CDH23: variants seen among roughly 807,000 people sequenced by gnomAD.
The protein encoded by CDH23 is cadherin-23.
In CDH23, 189 loss-of-function variants were observed where a neutral mutation model predicts 317.1. The observed-to-expected ratio is 0.60, with a 90% CI of 0.53 to 0.67. CDH23 has a LOEUF of 0.67. Ranked by LOEUF, CDH23 falls within the 30% of genes least tolerant of loss-of-function variation. CDH23 has a pLI of 0.00. For missense variants in CDH23, 4,401 were observed against 4,592.4 expected (o/e 0.96, Z 1.20); for synonymous variants, 1,839 against 1,876.8 (o/e 0.98, Z 0.52).
chr10:71,558,233 C>A (rs1312825761), intron 6 of CDH23, among the ~76,000 whole-genome samples: 2 of 152,142 alleles, frequency 1.3e-5, no homozygotes, highest in African/African-American at 2.4e-5. Context: ...CTCCTGACCT[C>A]AGGTGATTCA....
intron 3 of CDH23, among the ~76,000 whole-genome samples, chr10:71,497,639 G>A (rs1206799162): frequency 6.6e-6 from 1 of 152,232 alleles, no homozygotes. Context: ...CTCCGCTGCG[G>A]AGCGCCTTCC....
chr10:71,582,873 C>T (rs1032063532), intron 9 of CDH23, among the ~76,000 whole-genome samples: 6 of 152,190 alleles, frequency 3.9e-5, no homozygotes, highest in Non-Finnish European at 7.3e-5. Flanking sequence ...ACCTATGCAG[C>T]GGCAGCTTTA....
intron 38 of CDH23, among the ~76,000 whole-genome samples, chr10:71,773,771 G>C (rs1470600067): frequency 1.3e-5 from 2 of 152,158 alleles, no homozygotes; most frequent in African/African-American, 2.4e-5. Flanking sequence ...TATTATTGCT[G>C]CGCAGCCTAA....
chr10:71,796,128 C>G, intron 48 of CDH23: 1 of 974,994 alleles, frequency 1.0e-6, no homozygotes, highest in South Asian at 4.8e-5. Context: ...AGAAGCCCAG[C>G]AGGGGGATCT....
chr10:71,476,541 T>C (rs1267361306), intron 3 of CDH23, among the ~76,000 whole-genome samples: 1 of 152,132 alleles, frequency 6.6e-6, no homozygotes, highest in African/African-American at 2.4e-5. Context: ...ACACTTCAAG[T>C]ACAAATGGAA....
intron 19 of CDH23, among the ~76,000 whole-genome samples, chr10:71,689,023 G>A (rs369279716): frequency 0.037 from 307 of 8,408 alleles, 6 homozygotes; most frequent in Non-Finnish European, 0.04. Flanking sequence ...GGAGTCAGGG[G>A]TGGTGGAGTC....
chr10:71,790,176 C>A, intron 45 of CDH23, 112 bp from the exon 46 acceptor site: 1 of 1,438,878 alleles, frequency 6.9e-7, no homozygotes, highest in Non-Finnish European at 9.3e-7. Context: ...GTCCACCTCA[C>A]CTCCCTCCCC....
chr10:71,539,644 A>G (rs1028809206), intron 6 of CDH23, among the ~76,000 whole-genome samples: 1 of 151,842 alleles, frequency 6.6e-6, no homozygotes, highest in Admixed American at 6.6e-5. Context: ...TTGGAGAACT[A>G]TGCATATTCA....
Position 71,397,701 on chromosome 10 carries a change from T to A in CDH23, c.-6+383T>A, listed in dbSNP as rs1393436513. On this transcript the variant is annotated intron_variant, in intron 1 of 69. Coordinates refer to ENST00000224721, the MANE Select transcript of CDH23 (RefSeq NM_022124.6). The surrounding 1 kb of genome is among the most constrained non-coding windows in gnomAD (Gnocchi z 4.8). ...GAGAGATTTTCGAGAGTGGAGCGCG[T>A]TGGGATCCAATCCCCTCCCCTTCTG... Among the ~76,000 whole-genome samples the A allele has an allele frequency of 6.6e-6, 1 of 151,876 alleles. No individual in the cohort carries two copies. Among genetic ancestry groups the A allele is most frequent in the African/African-American group, 2.4e-5 (1 of 41,362 alleles).
chr10:71,603,307 G>A (rs1860339191), intron 9 of CDH23, among the ~76,000 whole-genome samples: 1 of 152,116 alleles, frequency 6.6e-6, no homozygotes, highest in Non-Finnish European at 1.5e-5. Flanking sequence ...CCTTCCCTGG[G>A]ACAAGGCCTT....
chr10:71,512,725 T>C (rs1055553750), intron 6 of CDH23, among the ~76,000 whole-genome samples: 2 of 152,202 alleles, frequency 1.3e-5, no homozygotes, highest in Non-Finnish European at 2.9e-5. Flanking sequence ...CTTCAGGAGA[T>C]GTGACTTCCA....
Position 71,513,655 on chromosome 10 carries a change from G to T in CDH23, c.429+2443G>T, listed in dbSNP as rs193276310. Among the ~76,000 whole-genome samples the T allele has an allele frequency of 6.2e-3, 944 of 152,278 alleles. 8 individuals carry two copies. Among genetic ancestry groups the T allele is most frequent in the South Asian group, 0.023 (112 of 4,830 alleles). On this transcript the variant is annotated intron_variant, in intron 6 of 69. Coordinates refer to ENST00000224721, the MANE Select transcript of CDH23 (RefSeq NM_022124.6). The stretch of plus-strand genomic sequence containing the variant: ...GCAGAGTCTGGCTGAGGTAAGCAGT[G>T]GTTGCTCTTGTGCTGTTTCGTGGGA...
Position 71,725,376 on chromosome 10 carries a change from C to A in CDH23, c.3435C>A (p.Asn1145Lys), listed in dbSNP as rs766367146. 1 of 1,614,022 alleles carries A rather than the reference C, an allele frequency of 6.2e-7. No homozygotes were observed. ...GGGGTCTGTCCCTCCACACAGGTAA[C>A]CATGGCAACAACTTCCGGATCCATG... is the stretch of plus-strand genomic sequence containing the variant. ...GRVWYRILHG[N>K]HGNNFRIHVS... Residue 1145 changes from asparagine (N) to lysine (K), a missense_variant, in exon 30 of 70, where the codon AAC becomes AAA. By Grantham distance (94) the Asn-to-Lys change is moderately conservative. Coordinates refer to ENST00000224721, the MANE Select transcript of CDH23 (RefSeq NM_022124.6).
chr10:71,478,352 A>G (rs1424920363), intron 3 of CDH23, among the ~76,000 whole-genome samples: 1 of 152,012 alleles, frequency 6.6e-6, no homozygotes, highest in Non-Finnish European at 1.5e-5. Context: ...GCAACCTTAC[A>G]CCTCAGGGCC....
At position 71,707,007 on chromosome 10, in the gene CDH23, A is replaced by G; in HGVS notation, c.3064A>G (p.Asn1022Asp). 1 of 1,607,810 alleles carries G rather than the reference A, an allele frequency of 6.2e-7. No homozygotes were observed. Among genetic ancestry groups the G allele is most frequent in the Non-Finnish European group, 8.5e-7 (1 of 1,177,256 alleles). The change falls in exon 26 of 70, where the codon AAC becomes GAC. Residue 1022 changes from asparagine to aspartate, a missense_variant. Physicochemically the swap from Asn to Asp is conservative, Grantham distance 23. Coordinates refer to ENST00000224721, the MANE Select transcript of CDH23 (RefSeq NM_022124.6). ...FRVVWLNCTDNDVGLNAELSY... is the reference protein window; with the variant it reads ...FRVVWLNCTDDDVGLNAELSY... ...GGTGGTCTGGCTGAACTGCACGGAC[A>G]ACGACGTGGGCCTCAATGCAGAGCT...
At chr10:71,735,070 G>A (rs1226946608) in intron 34 of CDH23, among the ~76,000 whole-genome samples, 1 of 152,256 alleles carries the variant, frequency 6.6e-6, no homozygotes, top group East Asian at 1.9e-4. Flanking sequence ...TGAGATGGAA[G>A]CAGCAAGAGA....
chr10:71,693,597 G>A (rs1248026326), intron 20 of CDH23, among the ~76,000 whole-genome samples: 3 of 152,112 alleles, frequency 2.0e-5, no homozygotes, highest in Non-Finnish European at 4.4e-5. Flanking sequence ...TCCTGTCATT[G>A]TATTTCTGTG....
At chr10:71,464,635 A>G (rs1851161119) in intron 3 of CDH23, among the ~76,000 whole-genome samples, 1 of 138,014 alleles carries the variant, frequency 7.2e-6, no homozygotes, top group Non-Finnish European at 1.6e-5. Flanking sequence ...GTTCCCAATG[A>G]TGCCAATGTC....
At chr10:71,689,173 G>A (rs12243233) in intron 19 of CDH23, among the ~76,000 whole-genome samples, 2,184 of 56,618 alleles carry the variant, frequency 0.039, 413 homozygotes, top group Middle Eastern at 0.091. Context: ...GGAGTCAGGG[G>A]TGGTAGAGTC....
Sources: gnomAD v4.1 joint callset for allele counts (sites outside exome capture counted in the v4.1 genomes callset) on GRCh38, gnomAD v4.1.1 for gene constraint, Gnocchi (gnomAD v3.1) non-coding constraint, MANE v1.5 for transcripts, NCBI Gene and HGNC (gene_info 2026-07-23, HGNC 2026-07-21) for gene names.